Variants in ZNF226 observed in about 807,000 individuals in gnomAD.
The protein encoded by ZNF226 is zinc finger protein 226.
In ZNF226, 6 loss-of-function variants were observed where a neutral mutation model predicts 11.4. The observed-to-expected ratio is 0.53, with a 90% CI of 0.29 to 1.04. The LOEUF (loss-of-function observed/expected upper bound fraction) is 1.04, where lower values mean the gene tolerates loss of function less well. Among genes scored for constraint, ZNF226 ranks in the 50% least tolerant of loss-of-function variants. The pLI is 0.08. For missense variants in ZNF226, 1,058 were observed against 956.5 expected (o/e 1.11, Z -1.40); for synonymous variants, 350 against 322.8 (o/e 1.08, Z -0.90).
downstream of ZNF226, among the ~76,000 whole-genome samples, chr19:44,180,032 A>AGCTGCGATCGTGCC (rs1447784771): frequency 7.1e-6 from 1 of 140,878 alleles, no homozygotes; most frequent in Non-Finnish European, 1.5e-5. Flanking sequence ...GGTTGCAGTG[A>AGCTGCGATCGTGCC]GCTGCGATCG....
chr19:44,168,742 C>T (rs1331832978), intron 2 of ZNF226, among the ~76,000 whole-genome samples: 1 of 152,100 alleles, frequency 6.6e-6, no homozygotes, highest in Admixed American at 6.5e-5. Context: ...CACTAGTGGT[C>T]TCAACTTTGT....
At position 44,176,525 on chromosome 19, in the gene ZNF226, T is replaced by A; in HGVS notation, c.1263T>A (p.Cys421Ter). The A allele has an allele frequency of 6.2e-7, 1 of 1,614,064 alleles. No individual in the cohort carries two copies. Among genetic ancestry groups the A allele is most frequent in the Non-Finnish European group, 8.5e-7 (1 of 1,180,000 alleles). ...RVHTGEKPYK[C>*]EECGKGFICS... is the part of the protein sequence containing the mutation. ...ATACAGGAGAGAAACCATACAAATG[T>A]GAGGAGTGTGGTAAGGGCTTCATTT... The change falls in exon 6 of 6, where the codon TGT becomes TGA. Residue 421 changes from cysteine to a stop codon, truncating the protein, a stop_gained. Transcript: ENST00000337433. LOFTEE classifies it low-confidence loss of function (END_TRUNC).
chr19:44,186,647 TA>T, the ZNF226 span, among the ~76,000 whole-genome samples: 1 of 152,016 alleles, frequency 6.6e-6, no homozygotes, highest in Non-Finnish European at 1.5e-5. Flanking sequence ...GAGAAAATTT[TA>T]ATTCTTCTTT....
At chr19:44,169,154 G>A (rs1279658737) in intron 2 of ZNF226, among the ~76,000 whole-genome samples, 1 of 151,754 alleles carries the variant, frequency 6.6e-6, no homozygotes, top group African/African-American at 2.4e-5. Context: ...GATTACAGGT[G>A]CCTGCCACCA....
At chr19:44,193,481 G>A in the ZNF226 span, among the ~76,000 whole-genome samples, 12 of 151,956 alleles carry the variant, frequency 7.9e-5, no homozygotes, top group South Asian at 2.5e-3. Context: ...GTAATCTTAT[G>A]AGGGAAGTGG....
downstream of ZNF226, among the ~76,000 whole-genome samples, chr19:44,179,193 A>G (rs971378660): frequency 9.9e-5 from 15 of 152,082 alleles, no homozygotes; most frequent in African/African-American, 3.4e-4. Context: ...AAAAAATCAC[A>G]TACCTTAAAT....
chr19:44,168,874 A>G (rs1219322164), intron 2 of ZNF226, among the ~76,000 whole-genome samples: 2 of 151,518 alleles, frequency 1.3e-5, no homozygotes, highest in Non-Finnish European at 2.9e-5. Flanking sequence ...ATGATGTTCT[A>G]GTTATCTTTC....
chr19:44,165,140 C>T lies in ZNF226; in HGVS notation c.-100C>T, dbSNP rs1969195807. The stretch of plus-strand genomic sequence containing the variant: ...CATCTTTTCCCTGGCTTTGGTGATT[C>T]AGGTCAGCTTCTCAGGAACCTTTCA... On this transcript the variant is annotated splice_region_variant and 5_prime_UTR_variant, in exon 1 of 6. Transcript: ENST00000337433. 1 of 152,228 alleles carries T rather than the reference C, an allele frequency of 6.6e-6. No homozygotes were observed. The highest frequency in any genetic ancestry group is 6.5e-5 in the Admixed American group (1 of 15,286). The allele number at this position is 152,228 out of a possible 1,614,324, so 9.4% of individuals were successfully genotyped here. A position where few individuals can be genotyped will look rare whatever the true frequency, so the allele number is the denominator to read the frequency against.
downstream of ZNF226, among the ~76,000 whole-genome samples, chr19:44,181,438 G>C (rs1970905700): frequency 6.6e-6 from 1 of 150,404 alleles, no homozygotes; most frequent in Non-Finnish European, 1.5e-5. Context: ...TCCCTATTTT[G>C]AGCCTCCAGG....
chr19:44,198,978 T>G, the ZNF226 span, among the ~76,000 whole-genome samples: 1 of 151,968 alleles, frequency 6.6e-6, no homozygotes, highest in Non-Finnish European at 1.5e-5. Context: ...AATCTTTGTA[T>G]TTTTAGTAGA....
At position 44,176,557 on chromosome 19, in the gene ZNF226, C is replaced by G. The variant is rs1970700667; in HGVS notation, c.1295C>G (p.Ser432Ter). The change falls in exon 6 of 6, where the codon TCA becomes TGA. Residue 432 changes from serine (S) to a stop codon, truncating the protein, a stop_gained. Transcript: ENST00000337433. LOFTEE classifies it low-confidence loss of function (END_TRUNC). ...EECGKGFICS[S>*]NLYIHQRVHT... ...TGTGGTAAGGGCTTCATTTGTAGCT[C>G]AAATCTTTACATTCATCAGAGAGTC... The G allele has an allele frequency of 2.5e-6, 4 of 1,614,026 alleles. No homozygotes were observed. Among genetic ancestry groups the G allele is most frequent in the Admixed American group, 1.7e-5 (1 of 59,998 alleles).
chr19:44,178,977 C>G (rs191939904), downstream of ZNF226, among the ~76,000 whole-genome samples: 2 of 152,072 alleles, frequency 1.3e-5, no homozygotes, highest in East Asian at 3.9e-4. Context: ...GTCAGGAGTT[C>G]GAGACCAACC....
chr19:44,177,779 A>G (rs1282366672), downstream of ZNF226: 12 of 1,284,582 alleles, frequency 9.3e-6, no homozygotes, highest in Non-Finnish European at 1.3e-5. Context: ...AGACAACAAA[A>G]CAATCTTTAT....
At chr19:44,171,149 C>G (rs1185751150) in intron 3 of ZNF226, among the ~76,000 whole-genome samples, 1 of 152,084 alleles carries the variant, frequency 6.6e-6, no homozygotes, top group African/African-American at 2.4e-5. Context: ...TGTTAGTTTT[C>G]TTGCATTTAA....
In ZNF226 at chr19:44,177,157, C is replaced by G; in HGVS notation, c.1895C>G (p.Ala632Gly). The G allele has an allele frequency of 1.2e-6, 2 of 1,612,520 alleles. No homozygotes were observed. Among genetic ancestry groups the G allele is most frequent in the Non-Finnish European group, 1.7e-6 (2 of 1,179,644 alleles). Residue 632 changes from alanine (A) to glycine (G), a missense_variant, in exon 6 of 6, where the codon GCC (alanine) becomes GGC (glycine). Transcript: ENST00000337433. ...KVFRQASNLL[A>G]HQRVHSGEKP... The stretch of plus-strand genomic sequence containing the variant: ...TTCAGGCAGGCCTCAAATCTTTTGG[C>G]CCATCAGAGAGTCCACAGTGGAGAA...
chr19:44,175,473 C>T (rs1433661381), intron 5 of ZNF226, 25 bp from the exon 6 acceptor site: 1 of 1,536,926 alleles, frequency 6.5e-7, no homozygotes, highest in Non-Finnish European at 8.7e-7. Flanking sequence ...AATTCACTAT[C>T]TCTCTGAATC....
At chr19:44,170,013 T>G in intron 2 of ZNF226, 22 bp from the exon 3 acceptor site, 1 of 1,543,166 alleles carries the variant, frequency 6.5e-7, no homozygotes. Flanking sequence ...CAGTTTTGAT[T>G]TATTTCTCTC....
At chr19:44,191,897 A>G in the ZNF226 span, among the ~76,000 whole-genome samples, 3 of 152,218 alleles carry the variant, frequency 2.0e-5, no homozygotes, top group Non-Finnish European at 2.9e-5. Flanking sequence ...AAAAGATAAA[A>G]ACCTTCTACA....
chr19:44,176,163 G>A lies in ZNF226; in HGVS notation c.901G>A (p.Val301Ile). Residue 301 changes from valine (V) to isoleucine (I), a missense_variant, in exon 6 of 6, where the codon GTA becomes ATA. Coordinates refer to ENST00000337433, the MANE Select transcript of ZNF226 (RefSeq NM_001032373.2). ...YSPVLPVHQKVHVGEKLKCDE... is the reference protein window; with the variant it reads ...YSPVLPVHQKIHVGEKLKCDE... ...CCCAGTTCTTCCTGTTCATCAGAAA[G>A]TACATGTGGGAGAAAAACTTAAGTG... 6.2e-7 allele frequency: 1 copy of A among 1,614,162 alleles called. No homozygotes were observed.
Sources: allele counts gnomAD v4.1 joint callset (sites outside exome capture counted in the v4.1 genomes callset), GRCh38; gene constraint gnomAD v4.1.1; transcripts MANE v1.5; gene names NCBI Gene and HGNC (gene_info 2026-07-23, HGNC 2026-07-21).